TMPRSS15: variants seen among roughly 807,000 people sequenced by gnomAD.
TMPRSS15 encodes the protein enteropeptidase.
Under a neutral mutation model 125.3 loss-of-function variants are expected in TMPRSS15, and 128 were observed. That is an observed-to-expected ratio of 1.02 (90% CI 0.89 to 1.18). The LOEUF (loss-of-function observed/expected upper bound fraction) is 1.18. Ranked by LOEUF, TMPRSS15 falls within the 50% of genes most tolerant of loss-of-function variation. The pLI is 0.00. For missense variants in TMPRSS15, 1,283 were observed against 1,212.7 expected (o/e 1.06, Z -0.86); for synonymous variants, 446 against 423.2 (o/e 1.05, Z -0.66).
At position 18,446,162 on chromosome 21, in the gene TMPRSS15, C is replaced by A. The variant is rs1207453911; in HGVS notation, c.10+39637G>T. Among the ~76,000 whole-genome samples the A allele has an allele frequency of 3.9e-5, 6 of 152,214 alleles. No homozygotes were observed. The East Asian group carries it at 1.2e-3, about 29-fold the overall frequency. Reference sequence around the variant, plus strand: ...AATCAGTAGCATTTATATATGCCAGCAGCAAACGATCTGAAAAAAATTAAG... The same window carrying A: ...AATCAGTAGCATTTATATATGCCAGAAGCAAACGATCTGAAAAAAATTAAG... On this transcript the variant is annotated intron_variant, in intron 1 of 7. Transcript: ENST00000422787.
chr21:18,376,212 T>C (rs954165715), intron 5 of TMPRSS15, among the ~76,000 whole-genome samples: 1 of 150,588 alleles, frequency 6.6e-6, no homozygotes, highest in Admixed American at 6.6e-5. Context: ...TTTTTTTTTT[T>C]AAATTTTATT....
chr21:18,412,198 C>T (rs980795143), intron 1 of TMPRSS15, among the ~76,000 whole-genome samples: 1 of 152,138 alleles, frequency 6.6e-6, no homozygotes, highest in Non-Finnish European at 1.5e-5. Context: ...TTTAATAATC[C>T]CAGTGCCCAG....
intron 1 of TMPRSS15, among the ~76,000 whole-genome samples, chr21:18,482,156 C>G (rs1018060589): frequency 6.6e-6 from 1 of 150,920 alleles, no homozygotes; most frequent in Non-Finnish European, 1.5e-5. Context: ...TTCTTCTCAT[C>G]ATATTAACCA....
intron 3 of TMPRSS15, among the ~76,000 whole-genome samples, chr21:18,388,550 G>A (rs144897622): frequency 6.6e-6 from 1 of 152,096 alleles, no homozygotes; most frequent in South Asian, 2.1e-4. Flanking sequence ...CTCTGCAATG[G>A]ACACTGTGCT....
intron 8 of TMPRSS15, among the ~76,000 whole-genome samples, chr21:18,355,503 A>G (rs2075616298): frequency 6.6e-6 from 1 of 151,854 alleles, no homozygotes; most frequent in African/African-American, 2.4e-5. Context: ...AGATAGTCTT[A>G]AAGTCTCCTT....
intron 1 of TMPRSS15, among the ~76,000 whole-genome samples, chr21:18,470,625 A>T (rs1978759780): frequency 6.6e-6 from 1 of 152,134 alleles, no homozygotes; most frequent in African/African-American, 2.4e-5. Flanking sequence ...TGTATATCTC[A>T]GTTGAGTTGC....
At position 18,379,337 on chromosome 21, in the gene TMPRSS15, T is replaced by TA; in HGVS notation, c.497-20dup. On this transcript the variant is annotated intron_variant, in intron 4 of 24. Coordinates refer to ENST00000284885, the MANE Select transcript of TMPRSS15 (RefSeq NM_002772.3). Reference sequence around the variant, plus strand: ...AGCTTGTCTGAAAAATAAATTATATTAAAATAATTATTACCTATTTTAAAC... The same window carrying TA: ...AGCTTGTCTGAAAAATAAATTATATTAAAAATAATTATTACCTATTTTAAAC... 1 of 1,197,636 alleles carries TA rather than the reference T, an allele frequency of 8.3e-7. No homozygotes were observed. The highest frequency in any genetic ancestry group is 1.1e-6 in the Non-Finnish European group (1 of 896,668). 74.2% of individuals were successfully genotyped at this position (1,197,636 alleles called of 1,614,324 possible). A position where few individuals can be genotyped will look rare whatever the true frequency, so the allele number is the denominator to read the frequency against.
chr21:18,379,243 C>T lies in TMPRSS15; in HGVS notation c.532+40G>A, dbSNP rs1183815749. On this transcript the variant is annotated intron_variant, in intron 5 of 24. Transcript: ENST00000284885. Reference sequence around the variant, plus strand: ...CTAAAATAAAATGTATAAGAGAAAACTTTCTTTCAAAAAATAATAATAATA... The same window carrying T: ...CTAAAATAAAATGTATAAGAGAAAATTTTCTTTCAAAAAATAATAATAATA... 3.6e-6 allele frequency: 4 copies of T among 1,113,314 alleles called. No individual in the cohort carries two copies. The Admixed American group carries it at 1.0e-4, about 28-fold the overall frequency. 69.0% of individuals were successfully genotyped at this position (1,113,314 alleles called of 1,614,324 possible).
Position 18,355,892 on chromosome 21 carries a change from T to C in TMPRSS15, c.881-2029A>G, listed in dbSNP as rs114254768. Among the ~76,000 whole-genome samples, 611 of 151,966 alleles carry C rather than the reference T, an allele frequency of 4.0e-3. 7 individuals carry two copies. The highest frequency in any genetic ancestry group is 0.014 in the African/African-American group (596 of 41,528). On this transcript the variant is annotated intron_variant, in intron 8 of 24. Transcript: ENST00000284885. ...AGCATAGGAGATTTTTAATCAATAT[T>C]TGAGGGCATATATCATGATGTGAGT...
In TMPRSS15 at chr21:18,316,997, G is replaced by C. The variant is rs140303846; in HGVS notation, c.1922-1741C>G. Among the ~76,000 whole-genome samples the C allele has an allele frequency of 7.9e-3, 1,200 of 152,192 alleles. 18 individuals carry two copies. Among genetic ancestry groups the C allele is most frequent in the African/African-American group, 0.026 (1,090 of 41,518 alleles). On this transcript the variant is annotated intron_variant, in intron 16 of 24. Transcript: ENST00000284885. The stretch of plus-strand genomic sequence containing the variant: ...TACATGGCACGTGAACAATCATATG[G>C]GGAAGCAAAAGCACTTGATAAAAAT...
At chr21:18,300,209 T>TC (rs2074952517) in intron 18 of TMPRSS15, among the ~76,000 whole-genome samples, 2 of 67,892 alleles carry the variant, frequency 2.9e-5, no homozygotes, top group Admixed American at 1.4e-4. Context: ...TCTTTCTTTC[T>TC]TTTTCTTTCT....
At chr21:18,439,397 T>C (rs2076236133) in intron 1 of TMPRSS15, among the ~76,000 whole-genome samples, 1 of 152,176 alleles carries the variant, frequency 6.6e-6, no homozygotes, top group African/African-American at 2.4e-5. Context: ...AACCTATTTT[T>C]AAGCAGTTTT....
chr21:18,380,167 TCACACACACACACA>T lies in TMPRSS15; in HGVS notation c.497-863_497-850del, dbSNP rs34787707. The stretch of plus-strand genomic sequence containing the variant: ...TGATTTGGAGCCGTTTATGGAGATG[TCACACACACACACA>T]CACACACACACACACACACACACAC... On this transcript the variant is annotated intron_variant, in intron 4 of 24. Coordinates refer to ENST00000284885, the MANE Select transcript of TMPRSS15 (RefSeq NM_002772.3). Among the ~76,000 whole-genome samples, 31 of 139,508 alleles carry T rather than the reference TCACACACACACACA, an allele frequency of 2.2e-4. No homozygotes were observed. The East Asian group carries it at 3.2e-3, about 14-fold the overall frequency. 91.5% of individuals were successfully genotyped at this position (139,508 alleles called of 152,430 possible).
intron 10 of TMPRSS15, among the ~76,000 whole-genome samples, chr21:18,351,363 C>T (rs1332762326): frequency 6.6e-6 from 1 of 152,078 alleles, no homozygotes; most frequent in Non-Finnish European, 1.5e-5. Context: ...ACTGAGAATA[C>T]CTGATATGGT....
upstream of TMPRSS15, among the ~76,000 whole-genome samples, chr21:18,408,487 A>G (rs1382680374): frequency 1.3e-5 from 2 of 152,212 alleles, no homozygotes; most frequent in African/African-American, 2.4e-5. Context: ...CAAAAATACC[A>G]GTGCCATAGT....
chr21:18,314,666 A>G (rs1441976034), intron 17 of TMPRSS15, among the ~76,000 whole-genome samples: 2 of 152,098 alleles, frequency 1.3e-5, no homozygotes, highest in Non-Finnish European at 2.9e-5. Flanking sequence ...ATTTGCTTAG[A>G]AATAAAAAGA....
intron 18 of TMPRSS15, among the ~76,000 whole-genome samples, chr21:18,298,539 C>T (rs918950730): frequency 6.6e-6 from 1 of 152,214 alleles, no homozygotes; most frequent in Admixed American, 6.5e-5. Flanking sequence ...AATTCCCATG[C>T]TCTCAACTGT....
intron 1 of TMPRSS15, among the ~76,000 whole-genome samples, chr21:18,476,562 A>G (rs1478695899): frequency 6.6e-6 from 1 of 152,186 alleles, no homozygotes; most frequent in African/African-American, 2.4e-5. Flanking sequence ...AACTGTCAAA[A>G]TCAGCAAATA....
At chr21:18,283,955 C>G (rs2074733272) in intron 21 of TMPRSS15, among the ~76,000 whole-genome samples, 1 of 152,096 alleles carries the variant, frequency 6.6e-6, no homozygotes, top group South Asian at 2.1e-4. Context: ...AATATATGAA[C>G]CAGGAACGTG....
Sources: gnomAD v4.1 joint callset for allele counts (sites outside exome capture counted in the v4.1 genomes callset) on GRCh38, gnomAD v4.1.1 for gene constraint, MANE v1.5 for transcripts, NCBI Gene and HGNC (gene_info 2026-07-23, HGNC 2026-07-21) for gene names.